The following ZNF563 variants were observed in gnomAD, a reference collection of about 807,000 sequenced individuals.
ZNF563 encodes zinc finger protein 563.
In ZNF563, 39 loss-of-function variants were observed where a neutral mutation model predicts 48.5. That is an observed-to-expected ratio of 0.80 (90% CI 0.62 to 1.05). The LOEUF (loss-of-function observed/expected upper bound fraction) is 1.05. ZNF563 is among the 50% of genes least tolerant of loss of function. The pLI is 0.00. For synonymous variants in ZNF563, 168 were observed against 187.9 expected, an observed-to-expected ratio of 0.89 and a Z score of 0.87; for missense variants, 538 against 597.0, an observed-to-expected ratio of 0.90 and a Z score of 1.03.
upstream of ZNF563, among the ~76,000 whole-genome samples, chr19:12,334,868 CAAAAAAAAAAAA>C (rs35412288): frequency 8.9e-5 from 4 of 45,042 alleles, no homozygotes; most frequent in Non-Finnish European, 1.2e-4. Context: ...GACCTGGTCT[CAAAAAAAAAAAA>C]AAAAAAAAAA....
intron 1 of ZNF563, among the ~76,000 whole-genome samples, chr19:12,324,619 A>G (rs1052154637): frequency 2.0e-5 from 3 of 148,950 alleles, no homozygotes; most frequent in Non-Finnish European, 4.5e-5. Context: ...CAAGAGGCTG[A>G]GGCAGGAGAA....
intron 1 of ZNF563, among the ~76,000 whole-genome samples, chr19:12,332,626 A>C (rs1307178611): frequency 2.0e-5 from 3 of 152,226 alleles, no homozygotes; most frequent in Non-Finnish European, 4.4e-5. Flanking sequence ...CTTCTTGCCC[A>C]GATAACGCAC....
chr19:12,345,666 C>T, the ZNF563 span, among the ~76,000 whole-genome samples: 1 of 152,120 alleles, frequency 6.6e-6, no homozygotes, highest in Non-Finnish European at 1.5e-5. Context: ...GCTGTAATCC[C>T]AGCACTTTGG....
At chr19:12,338,437 T>C (rs1827098856), upstream of ZNF563, among the ~76,000 whole-genome samples, 1 of 152,058 alleles carries the variant, frequency 6.6e-6, no homozygotes, top group Admixed American at 6.6e-5. Context: ...TTAGTAGAGA[T>C]GGGGTTTCGC....
intron 1 of ZNF563, among the ~76,000 whole-genome samples, chr19:12,323,284 C>G (rs1358601041): frequency 6.6e-6 from 1 of 152,170 alleles, no homozygotes; most frequent in African/African-American, 2.4e-5. Flanking sequence ...TGTGATCAGC[C>G]ACTGCTGAGT....
the ZNF563 span, among the ~76,000 whole-genome samples, chr19:12,342,420 A>T: frequency 6.6e-5 from 10 of 152,310 alleles, no homozygotes; most frequent in Admixed American, 5.9e-4. Context: ...CCAATGGGTC[A>T]AATGAGAAAT....
upstream of ZNF563, among the ~76,000 whole-genome samples, chr19:12,338,000 A>C (rs1323479913): frequency 6.6e-6 from 1 of 152,128 alleles, no homozygotes; most frequent in Non-Finnish European, 1.5e-5. Flanking sequence ...TATTCAGGAG[A>C]CTGAGGCAGG....
chr19:12,338,590 A>G (rs752435856), upstream of ZNF563, among the ~76,000 whole-genome samples: 5 of 152,218 alleles, frequency 3.3e-5, no homozygotes, highest in Admixed American at 6.5e-5. Flanking sequence ...GCAGTGGCTC[A>G]TGCCTGTAAT....
intron 1 of ZNF563, among the ~76,000 whole-genome samples, chr19:12,323,078 G>T (rs938522130): frequency 6.6e-6 from 1 of 152,210 alleles, no homozygotes; most frequent in Non-Finnish European, 1.5e-5. Context: ...TCCTGAGACT[G>T]CATGTCCTTA....
At chr19:12,342,239 A>C in the ZNF563 span, among the ~76,000 whole-genome samples, 1 of 151,836 alleles carries the variant, frequency 6.6e-6, no homozygotes. Flanking sequence ...GCTGGTCTTG[A>C]TCTCCTGGGC....
the ZNF563 span, among the ~76,000 whole-genome samples, chr19:12,343,930 C>T: frequency 0.029 from 4,399 of 151,776 alleles, 224 homozygotes; most frequent in African/African-American, 0.1. Flanking sequence ...TGGGTTTCAC[C>T]GTGTTAGCCA....
chr19:12,333,726 A>C, upstream of ZNF563: 2 of 548,200 alleles, frequency 3.6e-6, no homozygotes, highest in East Asian at 3.1e-5. Flanking sequence ...GACAGTTCTC[A>C]CGACCCCGCC....
chr19:12,344,739 T>C, the ZNF563 span, among the ~76,000 whole-genome samples: 3 of 152,002 alleles, frequency 2.0e-5, no homozygotes, highest in Non-Finnish European at 1.5e-5. Flanking sequence ...GAAAAAGAAA[T>C]AAAAGGAATC....
intron 1 of ZNF563, among the ~76,000 whole-genome samples, chr19:12,332,924 C>A (rs1968958399): frequency 6.6e-6 from 1 of 152,168 alleles, no homozygotes; most frequent in Non-Finnish European, 1.5e-5. Flanking sequence ...AGATAGCAGT[C>A]GTTCCCCTGT....
chr19:12,319,330 T>A lies in ZNF563; in HGVS notation c.695A>T (p.Lys232Ile). The part of the protein sequence containing the change: ...EKPYECKQCS[K>I]AFPFYSSYRR... ...ATAGGAACTGTAAAAAGGAAAGGCT[T>A]TAGAACACTGCTTACATTCATACGG... The change falls in exon 4 of 4, where the codon AAA (lysine) becomes ATA (isoleucine). Residue 232 changes from lysine to isoleucine, a missense_variant. Physicochemically the swap from Lys to Ile is moderately radical, Grantham distance 102. Transcript: ENST00000293725. 1 of 1,614,176 alleles carries A rather than the reference T, an allele frequency of 6.2e-7. No homozygotes were observed.
the ZNF563 span, among the ~76,000 whole-genome samples, chr19:12,342,968 C>T: frequency 2.7e-5 from 4 of 150,828 alleles, no homozygotes; most frequent in Non-Finnish European, 4.4e-5. Flanking sequence ...GAGGCCGAGG[C>T]GGGTGGATCA....
chr19:12,336,913 A>C (rs1969026798), upstream of ZNF563, among the ~76,000 whole-genome samples: 3 of 152,114 alleles, frequency 2.0e-5, no homozygotes, highest in Admixed American at 2.0e-4. Flanking sequence ...CTTTTAAGCA[A>C]ACTGGCCCAG....
the ZNF563 span, among the ~76,000 whole-genome samples, chr19:12,345,509 G>C: frequency 6.6e-6 from 1 of 152,106 alleles, no homozygotes; most frequent in Non-Finnish European, 1.5e-5. Context: ...AAATGGTGTT[G>C]GGAAAACTGG....
chr19:12,333,321 T>C (rs1405497797), intron 1 of ZNF563, among the ~76,000 whole-genome samples, 159 bp downstream of exon 1: 1 of 152,170 alleles, frequency 6.6e-6, no homozygotes, highest in Non-Finnish European at 1.5e-5. Context: ...TCAGCCTCAC[T>C]CTGTGGCTGA....
Sources: gnomAD v4.1 joint callset for allele counts (sites outside exome capture counted in the v4.1 genomes callset) on GRCh38, gnomAD v4.1.1 for gene constraint, MANE v1.5 for transcripts, NCBI Gene and HGNC (gene_info 2026-07-23, HGNC 2026-07-21) for gene names.